The following DMD variants were observed in gnomAD, a reference collection of about 807,000 sequenced individuals.
DMD encodes dystrophin.
Under a neutral mutation model 330.1 loss-of-function variants are expected in DMD, and 63 were observed. The observed-to-expected ratio is 0.19, with a 90% CI of 0.16 to 0.24. DMD has a LOEUF of 0.24. DMD is among the 10% of genes least tolerant of loss of function. DMD has a pLI of 1.00. For missense variants in DMD, 3,344 were observed against 2,684.1 expected (o/e 1.25, Z -5.43); for synonymous variants, 1,223 against 959.8 (o/e 1.27, Z -5.07).
chrX:32,807,975 T>G (rs545904694), intron 7 of DMD, among the ~76,000 whole-genome samples: 1 of 112,285 alleles, frequency 8.9e-6, no homozygotes, highest in African/African-American at 3.2e-5. Context: ...CAGCCTTATC[T>G]TTCAAATTCA....
intron 43 of DMD, among the ~76,000 whole-genome samples, chrX:32,231,561 CACTT>C (rs1258587152): frequency 8.9e-6 from 1 of 111,939 alleles, no homozygotes. Flanking sequence ...CATGAGACCA[CACTT>C]ACAAATACAT....
chrX:33,334,426 G>A (rs1371085904), intron 1 of DMD, among the ~76,000 whole-genome samples: 1 of 110,847 alleles, frequency 9.0e-6, no homozygotes, highest in Non-Finnish European at 1.9e-5. Context: ...TAGAGATGAG[G>A]TGAGCAAACT....
rs752508262 is a variant in DMD at position 32,655,588 on chromosome X, TGTG to T, written c.961-10439_961-10437del. Among the ~76,000 whole-genome samples, 271 of 111,994 alleles carry T rather than the reference TGTG, an allele frequency of 2.4e-3. 2 individuals carry two copies. The highest frequency in any genetic ancestry group is 8.5e-3 in the African/African-American group (262 of 30,853). On this transcript the variant is annotated intron_variant, in intron 9 of 78. Coordinates refer to ENST00000357033, the MANE Select transcript of DMD (RefSeq NM_004006.3). ...GTGGTCAATTTTGGAATAAGTGTGA[TGTG>T]GTGCTGAGAAGAATGTATAATCTGT...
intron 7 of DMD, among the ~76,000 whole-genome samples, chrX:32,732,494 G>T (rs1180417715): frequency 9.0e-6 from 1 of 111,112 alleles, no homozygotes; most frequent in Non-Finnish European, 1.9e-5. Flanking sequence ...AGGAAAAAGT[G>T]TTAAGGGCAG....
chrX:31,260,891 C>A, intron 63 of DMD, 64 bp downstream of exon 63: 1 of 1,085,806 alleles, frequency 9.2e-7, no homozygotes, highest in African/African-American at 1.8e-5. Flanking sequence ...TTTCACACTG[C>A]AAACTACTTT....
chrX:32,765,581 G>A lies in DMD; in HGVS notation c.649+43912C>T, dbSNP rs948817880. ...CAATGCAAGAATGGACTAACATATA[G>A]GAGTTCTTGGCACAGTCTGGATATT... On this transcript the variant is annotated intron_variant, in intron 7 of 78. Coordinates refer to ENST00000357033, the MANE Select transcript of DMD (RefSeq NM_004006.3). Among the ~76,000 whole-genome samples the A allele has an allele frequency of 4.5e-5, 5 of 111,726 alleles. No homozygotes were observed. In the East Asian group the frequency reaches 1.1e-3, roughly 25 times the overall value.
chrX:32,543,185 A>G (rs1266169534), intron 17 of DMD, among the ~76,000 whole-genome samples: 2 of 111,995 alleles, frequency 1.8e-5, no homozygotes, highest in Non-Finnish European at 3.8e-5. Context: ...TTTTATTTGA[A>G]GAATCTTTCT....
intron 25 of DMD, among the ~76,000 whole-genome samples, chrX:32,462,225 A>G (rs981730204): frequency 1.8e-5 from 2 of 111,407 alleles, no homozygotes; most frequent in African/African-American, 6.5e-5. Context: ...ATACATACCT[A>G]TAAAATTTAA....
chrX:32,275,004 C>A (rs1330568559), intron 43 of DMD, among the ~76,000 whole-genome samples: 2 of 111,491 alleles, frequency 1.8e-5, no homozygotes, highest in Non-Finnish European at 3.8e-5. Context: ...TGGGTGGAAA[C>A]AAAATCTCCT....
chrX:32,508,093 A>G (rs1187003682), intron 18 of DMD, among the ~76,000 whole-genome samples: 1 of 110,984 alleles, frequency 9.0e-6, no homozygotes, highest in Non-Finnish European at 1.9e-5. Flanking sequence ...CAGCAGGGCC[A>G]ACAAGATATC....
chrX:31,338,234 G>A (rs940566613), intron 61 of DMD, among the ~76,000 whole-genome samples: 4 of 105,050 alleles, frequency 3.8e-5, no homozygotes, highest in Non-Finnish European at 7.8e-5. Context: ...TGGAGACCGA[G>A]GCAGGCGGAT....
At chrX:32,197,330 T>G (rs1247343599) in intron 44 of DMD, among the ~76,000 whole-genome samples, 4 of 111,307 alleles carry the variant, frequency 3.6e-5, no homozygotes, top group African/African-American at 1.3e-4. Flanking sequence ...CCAATCACAC[T>G]CCTTTAGTTA....
At chrX:32,255,459 A>G (rs1355699687) in intron 43 of DMD, among the ~76,000 whole-genome samples, 2 of 109,676 alleles carry the variant, frequency 1.8e-5, no homozygotes, top group African/African-American at 6.6e-5. Context: ...AAAATGGCAG[A>G]GTTTAATAGT....
chrX:32,894,173 G>A (rs185167122), intron 2 of DMD, among the ~76,000 whole-genome samples: 1 of 112,118 alleles, frequency 8.9e-6, no homozygotes, highest in African/African-American at 3.2e-5. Flanking sequence ...TTATTGTTTT[G>A]AGAGCTGACC....
At chrX:32,633,600 A>G (rs1197825257) in intron 11 of DMD, among the ~76,000 whole-genome samples, 1 of 111,976 alleles carries the variant, frequency 8.9e-6, no homozygotes, top group Non-Finnish European at 1.9e-5. Context: ...AATTTTCTGT[A>G]CTAGGCCACT....
chrX:32,864,247 T>A (rs1315492647), intron 2 of DMD, among the ~76,000 whole-genome samples: 1 of 112,075 alleles, frequency 8.9e-6, no homozygotes, highest in Non-Finnish European at 1.9e-5. Context: ...TCACCCCCAT[T>A]TTACAACTGA....
At chrX:33,211,051 G>A (rs2051879203) in intron 1 of DMD, among the ~76,000 whole-genome samples, 1 of 111,706 alleles carries the variant, frequency 9.0e-6, no homozygotes, top group Non-Finnish European at 1.9e-5. Flanking sequence ...GAAATCATGT[G>A]TTTAGTTCTA....
intron 7 of DMD, among the ~76,000 whole-genome samples, chrX:32,704,169 G>A (rs897265955): frequency 3.6e-5 from 4 of 111,078 alleles, no homozygotes; most frequent in Non-Finnish European, 7.5e-5. Context: ...CCTCATGGCG[G>A]TCTGAAGGCA....
intron 59 of DMD, among the ~76,000 whole-genome samples, chrX:31,474,868 T>C (rs1322513458): frequency 9.0e-6 from 1 of 110,806 alleles, no homozygotes; most frequent in African/African-American, 3.3e-5. Context: ...TTCTACTTTT[T>C]TTCTGAAATA....
Sources: gnomAD v4.1 joint callset for allele counts (sites outside exome capture counted in the v4.1 genomes callset) on GRCh38, gnomAD v4.1.1 for gene constraint, MANE v1.5 for transcripts, NCBI Gene and HGNC (gene_info 2026-07-23, HGNC 2026-07-21) for gene names.